Variants in ABHD17C observed in about 807,000 individuals in gnomAD.
ABHD17C encodes the protein abhydrolase domain containing 17C, depalmitoylase, also known as alpha/beta hydrolase domain-containing protein 17C.
In ABHD17C, 11 loss-of-function variants were observed where a neutral mutation model predicts 27.9. The observed-to-expected ratio is 0.39, with a 90% CI of 0.25 to 0.65. ABHD17C has a LOEUF of 0.65. Ranked by LOEUF, ABHD17C falls within the 30% of genes least tolerant of loss-of-function variation. The pLI is 0.45. For synonymous variants in ABHD17C, 233 were observed against 209.1 expected (o/e 1.11, Z -0.98); for missense variants, 280 against 470.2 (o/e 0.60, Z 3.74).
chr15:80,736,712 G>C (rs559853665), intron 1 of ABHD17C, among the ~76,000 whole-genome samples: 27 of 152,266 alleles, frequency 1.8e-4, no homozygotes, highest in African/African-American at 6.3e-4. Flanking sequence ...TTCAAAGTCA[G>C]TGGAACTGTG....
At chr15:80,710,398 G>A (rs1283547065) in intron 1 of ABHD17C, among the ~76,000 whole-genome samples, 4 of 152,174 alleles carry the variant, frequency 2.6e-5, no homozygotes, top group Non-Finnish European at 5.9e-5. Context: ...GCCATTGGAG[G>A]GCTTTGGGTA....
Position 80,696,221 on chromosome 15 carries a change from C to A in ABHD17C, c.590+202C>A, listed in dbSNP as rs546239400. Among the ~76,000 whole-genome samples the A allele has an allele frequency of 5.9e-5, 9 of 152,354 alleles. No individual in the cohort carries two copies. In the East Asian group the frequency reaches 1.5e-3, roughly 26 times the overall value. On this transcript the variant is annotated intron_variant, in intron 1 of 2. Coordinates refer to ENST00000258884, the MANE Select transcript of ABHD17C (RefSeq NM_021214.2). ...CCACCCTCTCCAAAAACCGCGCCAG[C>A]CTTCAGGTTCCTGGAGAGCTCGGAC...
intron 1 of ABHD17C, among the ~76,000 whole-genome samples, chr15:80,726,786 A>G (rs1894986207): frequency 6.6e-6 from 1 of 151,898 alleles, no homozygotes; most frequent in African/African-American, 2.4e-5. Context: ...CAGCCTCCCA[A>G]AGTGCTGGGA....
At chr15:80,747,051 T>C (rs148436641) in intron 1 of ABHD17C, among the ~76,000 whole-genome samples, 5 of 152,340 alleles carry the variant, frequency 3.3e-5, no homozygotes, top group African/African-American at 1.2e-4. Context: ...TGTGCGTCAT[T>C]CATTAACTGC....
At chr15:80,706,757 A>G (rs1208055009) in intron 1 of ABHD17C, among the ~76,000 whole-genome samples, 1 of 152,182 alleles carries the variant, frequency 6.6e-6, no homozygotes, top group African/African-American at 2.4e-5. Context: ...AAGGTCTGTG[A>G]TACTAGAACA....
chr15:80,729,266 G>A (rs553490659), intron 1 of ABHD17C, among the ~76,000 whole-genome samples: 9 of 152,228 alleles, frequency 5.9e-5, no homozygotes, highest in African/African-American at 2.2e-4. Context: ...AAGCTCAACT[G>A]AGGTATTTAT....
intron 1 of ABHD17C, among the ~76,000 whole-genome samples, chr15:80,721,213 C>CT (rs71455351): frequency 0.5 from 70,816 of 143,050 alleles, 18,199 homozygotes; most frequent in East Asian, 0.78. Context: ...CATTTTTTGT[C>CT]TTTTTTTTTT....
At position 80,715,289 on chromosome 15, in the gene ABHD17C, A is replaced by G. The variant is rs573545990; in HGVS notation, c.590+19270A>G. On this transcript the variant is annotated intron_variant, in intron 1 of 2. Transcript: ENST00000258884. The stretch of plus-strand genomic sequence containing the variant: ...GGTTCTGACCACTTTACCATTTTTT[A>G]TGTTGATTCTGATCAGAGGAAGATG... 3.3e-5 allele frequency among the ~76,000 whole-genome samples: 5 copies of G among 152,280 alleles called. No homozygotes were observed. The South Asian group carries it at 1.0e-3, about 32-fold the overall frequency.
intron 1 of ABHD17C, among the ~76,000 whole-genome samples, chr15:80,730,818 A>G (rs1327247307): frequency 6.6e-6 from 1 of 152,116 alleles, no homozygotes; most frequent in African/African-American, 2.4e-5. Flanking sequence ...TTATAAGGAT[A>G]TTGTAATTGT....
intron 1 of ABHD17C, among the ~76,000 whole-genome samples, chr15:80,718,392 G>A (rs1414872402): frequency 2.0e-5 from 3 of 152,036 alleles, no homozygotes; most frequent in African/African-American, 7.2e-5. Context: ...GAGCACAGTA[G>A]CACAATCTCG....
intron 1 of ABHD17C, among the ~76,000 whole-genome samples, chr15:80,719,897 C>T (rs1454308796): frequency 6.6e-6 from 1 of 152,094 alleles, no homozygotes; most frequent in Admixed American, 6.5e-5. Flanking sequence ...TCCCAGGCTC[C>T]AACAATCCTC....
At chr15:80,710,201 G>T (rs769693240) in intron 1 of ABHD17C, among the ~76,000 whole-genome samples, 2 of 152,188 alleles carry the variant, frequency 1.3e-5, no homozygotes, top group Non-Finnish European at 2.9e-5. Context: ...GATGGGGCAT[G>T]GTTGGCAGAT....
rs556775515 is a variant in ABHD17C at position 80,751,685 on chromosome 15, T to G, written c.770+1993T>G. ...ATTCCTTAAGCCCAGCTTTATCTCT[T>G]TGAGGTGGCAGTGAGCTAGGATTAC... is the stretch of plus-strand genomic sequence containing the variant. On this transcript the variant is annotated intron_variant, in intron 2 of 2. Coordinates refer to ENST00000258884, the MANE Select transcript of ABHD17C (RefSeq NM_021214.2). Among the ~76,000 whole-genome samples, 16 of 152,256 alleles carry G rather than the reference T, an allele frequency of 1.1e-4. No homozygotes were observed. The East Asian group carries it at 1.7e-3, about 17-fold the overall frequency.
chr15:80,754,121 C>T (rs750018697), intron 2 of ABHD17C, 30 bp from the exon 3 acceptor site: 2 of 1,563,832 alleles, frequency 1.3e-6, no homozygotes, highest in African/African-American at 2.7e-5. Context: ...ATGGAGTCCT[C>T]TTTCTGCCTC....
intron 1 of ABHD17C, among the ~76,000 whole-genome samples, chr15:80,729,838 G>A (rs1451192621): frequency 6.6e-6 from 1 of 152,202 alleles, no homozygotes; most frequent in Non-Finnish European, 1.5e-5. Flanking sequence ...CAGGCCGGGT[G>A]CAGTGGCTTA....
chr15:80,709,350 G>A (rs1384972331), intron 1 of ABHD17C, among the ~76,000 whole-genome samples: 1 of 151,748 alleles, frequency 6.6e-6, no homozygotes, highest in Non-Finnish European at 1.5e-5. Context: ...TTAGCCAGGT[G>A]TCGTAGTGCA....
chr15:80,705,368 G>GTGTGTGTGTGTGTGTGTGTGTGTGTGT (rs1555421876), intron 1 of ABHD17C, among the ~76,000 whole-genome samples: 2 of 4,332 alleles, frequency 4.6e-4, no homozygotes, highest in African/African-American at 8.4e-4. Flanking sequence ...TGTGTGTGTG[G>GTGTGTGTGTGTGTGTGTGTGTGTGTGT]TTAGGAGCAT....
chr15:80,737,384 C>T (rs1895145599), intron 1 of ABHD17C, among the ~76,000 whole-genome samples: 1 of 152,166 alleles, frequency 6.6e-6, no homozygotes, highest in South Asian at 2.1e-4. Flanking sequence ...TGGTAAACTT[C>T]GAATGGATTA....
intron 1 of ABHD17C, among the ~76,000 whole-genome samples, chr15:80,700,755 G>A (rs976409232): frequency 6.6e-6 from 1 of 152,008 alleles, no homozygotes; most frequent in Admixed American, 6.6e-5. Flanking sequence ...TTTAAAAGTA[G>A]CCAGGTGTGG....
Sources: gnomAD v4.1 joint callset for allele counts (sites outside exome capture counted in the v4.1 genomes callset) on GRCh38, gnomAD v4.1.1 for gene constraint, MANE v1.5 for transcripts, NCBI Gene and HGNC (gene_info 2026-07-23, HGNC 2026-07-21) for gene names.